The following ZNF678 variants were observed in gnomAD, a reference collection of about 807,000 sequenced individuals.
ZNF678 encodes the protein zinc finger protein 678, also known as hypothetical protein MGC42493.
ZNF678 carries 5 observed loss-of-function variants against 3.0 expected under a neutral mutation model. The observed-to-expected ratio is 1.69, with a 90% CI of 0.88 to 3.56. The LOEUF (loss-of-function observed/expected upper bound fraction) is 3.56. ZNF678 is among the 30% of genes most tolerant of loss of function. The probability of loss-of-function intolerance (pLI) is 0.00; values close to 1 mark genes in which losing one functional copy is unlikely to be tolerated. For missense variants in ZNF678, 593 were observed against 605.0 expected (o/e 0.98, Z 0.21); for synonymous variants, 218 against 199.6 (o/e 1.09, Z -0.78).
At chr1:227,564,438 G>A (rs1218071162) in intron 1 of ZNF678, among the ~76,000 whole-genome samples, 1 of 152,196 alleles carries the variant, frequency 6.6e-6, no homozygotes, top group African/African-American at 2.4e-5. Flanking sequence ...CTAATTGCCT[G>A]CTAATTATTT....
intron 1 of ZNF678, among the ~76,000 whole-genome samples, chr1:227,584,290 G>A (rs1054586318): frequency 1.3e-5 from 2 of 152,104 alleles, no homozygotes; most frequent in Non-Finnish European, 2.9e-5. Context: ...AATGTTCAAG[G>A]CTTAAATAGG....
chr1:227,563,774 G>C lies in ZNF678; in HGVS notation c.-164+50G>C, dbSNP rs774131059. 49 of 1,302,516 alleles carry C rather than the reference G, an allele frequency of 3.8e-5. No homozygotes were observed. The African/African-American group carries it at 7.3e-4, about 19-fold the overall frequency. The allele number at this position is 1,302,516 out of a possible 1,614,324, so 80.7% of individuals were successfully genotyped here. A position where few individuals can be genotyped will look rare whatever the true frequency, so the allele number is the denominator to read the frequency against. ...CAAGATGGCGGTCCGGCCTCCCGGCGTCAGCACTAGAGTCCGCGGCCCGGA... is the reference window on the plus strand; with the variant it reads ...CAAGATGGCGGTCCGGCCTCCCGGCCTCAGCACTAGAGTCCGCGGCCCGGA... On this transcript the variant is annotated intron_variant, in intron 1 of 3. Coordinates refer to ENST00000343776, the MANE Select transcript of ZNF678 (RefSeq NM_001367909.1).
At chr1:227,564,824 C>A (rs1396077702) in intron 1 of ZNF678, among the ~76,000 whole-genome samples, 1 of 150,416 alleles carries the variant, frequency 6.6e-6, no homozygotes, top group Admixed American at 6.6e-5. Flanking sequence ...CTCTGCCTCC[C>A]GGGTTCAAGC....
chr1:227,619,515 T>A (rs1476375532), intron 1 of ZNF678, among the ~76,000 whole-genome samples: 1 of 149,652 alleles, frequency 6.7e-6, no homozygotes, highest in Non-Finnish European at 1.5e-5. Flanking sequence ...GAGGTTGCAA[T>A]TTTTTTTTTG....
chr1:227,599,898 C>T (rs112476332), intron 1 of ZNF678, among the ~76,000 whole-genome samples: 35 of 152,098 alleles, frequency 2.3e-4, no homozygotes, highest in African/African-American at 7.7e-4. Context: ...GTTGGTTGTA[C>T]AGATTATTTC....
chr1:227,668,493 G>C (rs1659545835), intron 5 of ZNF678, among the ~76,000 whole-genome samples: 1 of 152,148 alleles, frequency 6.6e-6, no homozygotes, highest in Non-Finnish European at 1.5e-5. Context: ...ATGCCAAGCT[G>C]GATAGAGTGT....
At chr1:227,662,964 A>G (rs1659440769), downstream of ZNF678, among the ~76,000 whole-genome samples, 1 of 152,186 alleles carries the variant, frequency 6.6e-6, no homozygotes, top group South Asian at 2.1e-4. Flanking sequence ...ATATATTTGG[A>G]CATATGATTT....
intron 1 of ZNF678, among the ~76,000 whole-genome samples, chr1:227,570,926 C>A (rs1037978295): frequency 6.6e-6 from 1 of 151,992 alleles, no homozygotes; most frequent in Non-Finnish European, 1.5e-5. Context: ...GACAAAAGGG[C>A]TCATTAAGAT....
intron 1 of ZNF678, among the ~76,000 whole-genome samples, chr1:227,564,188 C>G (rs1468336260): frequency 2.6e-5 from 4 of 152,114 alleles, no homozygotes; most frequent in Non-Finnish European, 5.9e-5. Flanking sequence ...GAAGGAAAAA[C>G]TTTTTTGTAA....
At chr1:227,572,596 C>T (rs1656876826) in intron 1 of ZNF678, among the ~76,000 whole-genome samples, 1 of 152,202 alleles carries the variant, frequency 6.6e-6, no homozygotes, top group African/African-American at 2.4e-5. Flanking sequence ...CCATCATCAT[C>T]CCGGTACCCA....
chr1:227,619,209 T>G (rs1389965185), intron 1 of ZNF678, among the ~76,000 whole-genome samples: 1 of 152,168 alleles, frequency 6.6e-6, no homozygotes, highest in African/African-American at 2.4e-5. Flanking sequence ...CCCTGCTACT[T>G]TCTCTTGCCC....
At chr1:227,678,370 G>T (rs78014309), downstream of ZNF678, among the ~76,000 whole-genome samples, 700 of 152,300 alleles carry the variant, frequency 4.6e-3, 19 homozygotes, top group South Asian at 0.056. Context: ...GTAAGAGTCT[G>T]TGATCGCTCT....
At chr1:227,578,713 C>G (rs1657047457) in intron 1 of ZNF678, among the ~76,000 whole-genome samples, 1 of 152,186 alleles carries the variant, frequency 6.6e-6, no homozygotes, top group Admixed American at 6.5e-5. Flanking sequence ...ATCTTCATTT[C>G]TATCCATATT....
At chr1:227,590,694 C>G (rs1657390255) in intron 1 of ZNF678, among the ~76,000 whole-genome samples, 1 of 151,856 alleles carries the variant, frequency 6.6e-6, no homozygotes. Context: ...AACACAACTA[C>G]CTGTCCACTG....
chr1:227,598,439 A>G, intron 1 of ZNF678: 5 of 1,477,824 alleles, frequency 3.4e-6, no homozygotes, highest in South Asian at 2.6e-5. Flanking sequence ...GTGAGTCAGG[A>G]CTTGAACTAG....
At chr1:227,573,699 G>T (rs888115769) in intron 1 of ZNF678, among the ~76,000 whole-genome samples, 41 of 95,162 alleles carry the variant, frequency 4.3e-4, no homozygotes, top group African/African-American at 1.8e-3. Flanking sequence ...AAGTTCAGGG[G>T]TACATGTGCA....
At chr1:227,631,158 T>C (rs760014344) in intron 1 of ZNF678, among the ~76,000 whole-genome samples, 7 of 151,962 alleles carry the variant, frequency 4.6e-5, no homozygotes, top group African/African-American at 7.2e-5. Flanking sequence ...AAAAAGGACA[T>C]AGGGATGCCA....
intron 1 of ZNF678, among the ~76,000 whole-genome samples, chr1:227,587,750 T>C (rs1657298210): frequency 6.6e-6 from 1 of 151,810 alleles, no homozygotes; most frequent in African/African-American, 2.4e-5. Flanking sequence ...TTCTCCTCCA[T>C]GCCTTCTTAT....
intron 1 of ZNF678, among the ~76,000 whole-genome samples, chr1:227,628,829 T>C (rs1286206943): frequency 1.3e-5 from 2 of 152,132 alleles, no homozygotes; most frequent in African/African-American, 4.8e-5. Flanking sequence ...CCTGGCCAAA[T>C]AGATGGGGGC....
Sources: allele counts gnomAD v4.1 joint callset (sites outside exome capture counted in the v4.1 genomes callset), GRCh38; gene constraint gnomAD v4.1.1; transcripts MANE v1.5; gene names NCBI Gene and HGNC (gene_info 2026-07-23, HGNC 2026-07-21).